Variants in ELMO3 observed in about 807,000 individuals in gnomAD.
The protein encoded by ELMO3 is engulfment and cell motility protein 3.
A neutral mutation model predicts 89.0 loss-of-function variants in ELMO3; 81 were observed. That is an observed-to-expected ratio of 0.91 (90% CI 0.76 to 1.09). The LOEUF is 1.09. Among genes scored for constraint, ELMO3 ranks in the 50% least tolerant of loss-of-function variants. The pLI is 0.00. For missense variants in ELMO3, 959 were observed against 972.8 expected, an observed-to-expected ratio of 0.99 and a Z score of 0.19; for synonymous variants, 406 against 400.6, an observed-to-expected ratio of 1.01 and a Z score of -0.16.
rs1567693899 is a variant in ELMO3, at chr16:67,203,622, G to A, written c.1950+39G>A. The A allele has an allele frequency of 1.2e-6, 2 of 1,613,944 alleles. No individual in the cohort carries two copies. ...AGGCTGAGGTCGGCAGGTGGGCAGG[G>A]GAGGCAGATGGGCAGACCCTCACGG... is the stretch of plus-strand genomic sequence containing the variant. On this transcript the variant is annotated intron_variant, in intron 19 of 19. Coordinates refer to ENST00000393997, the MANE Select transcript of ELMO3 (RefSeq NM_024712.5). This position sits in a 1 kb window ranked among gnomAD's most constrained non-coding sequence, Gnocchi z 4.6.
chr16:67,199,535 T>C lies in ELMO3; in HGVS notation c.79-18T>C, dbSNP rs1257548098. On this transcript the variant is annotated intron_variant, in intron 1 of 19. Transcript: ENST00000393997. ...TCCCTCCCTGCCCAGGCCGCGAGAA[T>C]GACCACTCCACTTGCAGGCGAAGCC... 2.1e-6 allele frequency: 3 copies of C among 1,431,490 alleles called. No individual in the cohort carries two copies. The highest frequency in any genetic ancestry group is 2.7e-4 in the Middle Eastern group (1 of 3,662). 88.7% of individuals were successfully genotyped at this position (1,431,490 alleles called of 1,614,324 possible). A position where few individuals can be genotyped will look rare whatever the true frequency, so the allele number is the denominator to read the frequency against.
chr16:67,201,006 GGTGGGCGCTGCC>G (rs763562984), intron 8 of ELMO3, 38 bp downstream of exon 8: 1 of 1,565,488 alleles, frequency 6.4e-7, no homozygotes, highest in Non-Finnish European at 8.6e-7. Flanking sequence ...GGCAGCACCC[GGTGGGCGCTGCC>G]CCACCCTGAA....
chr16:67,199,453 G>A, intron 1 of ELMO3, 49 bp downstream of exon 1: 1 of 1,595,838 alleles, frequency 6.3e-7, no homozygotes, highest in Non-Finnish European at 8.5e-7. Context: ...CCACCTCCCG[G>A]TAGCCCCCTG....
chr16:67,200,877 C>G lies in ELMO3; in HGVS notation c.666-13C>G. On this transcript the variant is annotated splice_polypyrimidine_tract_variant and intron_variant, in intron 7 of 19. Coordinates refer to ENST00000393997, the MANE Select transcript of ELMO3 (RefSeq NM_024712.5). Reference sequence around the variant, plus strand: ...GAGCCTGAATGTTCCACTGAGCCCTCTTCTTGCCATAGGATGAACCAGCAG... The same window carrying G: ...GAGCCTGAATGTTCCACTGAGCCCTGTTCTTGCCATAGGATGAACCAGCAG... The G allele has an allele frequency of 6.2e-7, 1 of 1,613,776 alleles. No homozygotes were observed. Among genetic ancestry groups the G allele is most frequent in the Non-Finnish European group, 8.5e-7 (1 of 1,179,930 alleles).
chr16:67,202,767 G>T lies in ELMO3; in HGVS notation c.1539G>T (p.Glu513Asp). The T allele has an allele frequency of 6.2e-7, 1 of 1,613,526 alleles. No homozygotes were observed. Among genetic ancestry groups the T allele is most frequent in the Non-Finnish European group, 8.5e-7 (1 of 1,179,968 alleles). The change falls in exon 15 of 20, where the codon GAG becomes GAT. Residue 513 changes from glutamate to aspartate, a missense_variant. Physicochemically the swap from Glu to Asp is conservative, Grantham distance 45. Coordinates refer to ENST00000393997, the MANE Select transcript of ELMO3 (RefSeq NM_024712.5). ...GGCAGACTGAACGGCTGCACCAGGA[G>T]GGCACACTGGCTCCCCCTATACTGT... is the stretch of plus-strand genomic sequence containing the variant. ...RLRQTERLHQ[E>D]GTLAPPILEL...
chr16:67,203,562 C>A lies in ELMO3; in HGVS notation c.1929C>A (p.Phe643Leu). The change falls in exon 19 of 20, where the codon TTC (phenylalanine) becomes TTA (leucine). Residue 643 changes from phenylalanine (F) to leucine (L), a missense_variant. Coordinates refer to ENST00000393997, the MANE Select transcript of ELMO3 (RefSeq NM_024712.5). This position sits in a 1 kb window ranked among gnomAD's most constrained non-coding sequence, Gnocchi z 4.6. Reference sequence around the variant, plus strand: ...GGGAGGAGGAAGCGTACCTCAACTTCATTGCCCCCTCCAAGCGGGAGGTGA... The same window carrying A: ...GGGAGGAGGAAGCGTACCTCAACTTAATTGCCCCCTCCAAGCGGGAGGTGA... ...DRGEEEAYLN[F>L]IAPSKREFYL... The A allele has an allele frequency of 6.2e-7, 1 of 1,614,072 alleles. No individual in the cohort carries two copies. The highest frequency in any genetic ancestry group is 8.5e-7 in the Non-Finnish European group (1 of 1,180,018).
At position 67,199,229 on chromosome 16, in the gene ELMO3, G is replaced by A. The variant is rs1041649512; in HGVS notation, c.-98G>A. 2 of 1,611,312 alleles carry A rather than the reference G, an allele frequency of 1.2e-6. No individual in the cohort carries two copies. Among genetic ancestry groups the A allele is most frequent in the African/African-American group, 2.7e-5 (2 of 74,918 alleles). On this transcript the variant is annotated 5_prime_UTR_variant, in exon 1 of 20. Transcript: ENST00000393997. ...ACACCGAGGTCAGGTCTCGGAAAGG[G>A]AGGACCTCCTCGTCCCCAGGGGCCC...
rs199672285 is a variant in ELMO3 at position 67,201,048 on chromosome 16, CCT to C, written c.744+81_744+82del. Reference sequence around the variant, plus strand: ...CCTGAAGCAAAATCCTCTAAGCCCCCCTTTTTTTTTTTTTTGAGATGGAGTCT... The same window carrying C: ...CCTGAAGCAAAATCCTCTAAGCCCCCTTTTTTTTTTTTTGAGATGGAGTCT... On this transcript the variant is annotated intron_variant, in intron 8 of 19. Transcript: ENST00000393997. 3,192 of 1,409,456 alleles carry C rather than the reference CCT, an allele frequency of 2.3e-3. 2 individuals are homozygous for C. Among genetic ancestry groups the C allele is most frequent in the African/African-American group, 0.01 (645 of 63,084 alleles). 87.3% of individuals were successfully genotyped at this position (1,409,456 alleles called of 1,614,324 possible). A position where few individuals can be genotyped will look rare whatever the true frequency, so the allele number is the denominator to read the frequency against.
Position 67,203,545 on chromosome 16 carries a change from G to A in ELMO3, c.1912G>A (p.Glu638Lys), listed in dbSNP as rs777000286. The A allele has an allele frequency of 9.3e-6, 15 of 1,613,964 alleles. No individual in the cohort carries two copies. The highest frequency in any genetic ancestry group is 2.2e-5 in the South Asian group (2 of 91,084). The part of the protein sequence containing the change: ...FSISYDRGEE[E>K]AYLNFIAPSK... ...AATCAGCTATGACCGTGGGGAGGAG[G>A]AAGCGTACCTCAACTTCATTGCCCC... The change falls in exon 19 of 20, where the codon GAA becomes AAA. Residue 638 changes from glutamate (E) to lysine (K), a missense_variant. Coordinates refer to ENST00000393997, the MANE Select transcript of ELMO3 (RefSeq NM_024712.5). The surrounding 1 kb of genome is among the most constrained non-coding windows in gnomAD (Gnocchi z 4.6).
At chr16:67,201,935 G>T (rs750004829) in intron 11 of ELMO3, 42 bp from the exon 12 acceptor site, 4 of 1,606,356 alleles carry the variant, frequency 2.5e-6, no homozygotes, top group Non-Finnish European at 3.4e-6. Context: ...TGTTCCAGGC[G>T]GCCGTGGCCC....
At position 67,199,141 on chromosome 16, in the gene ELMO3, T is replaced by C. The variant is rs1034419967; in HGVS notation, c.-186T>C. On this transcript the variant is annotated 5_prime_UTR_variant, in exon 1 of 20. Transcript: ENST00000393997. ...CCCAGACTCCAACCCGGAACTAACCTCGGCTCCCTTGGGAAGGCCGCGTTG... is the reference window on the plus strand; with the variant it reads ...CCCAGACTCCAACCCGGAACTAACCCCGGCTCCCTTGGGAAGGCCGCGTTG... The C allele has an allele frequency of 1.6e-5, 26 of 1,599,568 alleles. No individual in the cohort carries two copies. The highest frequency in any genetic ancestry group is 2.1e-5 in the Non-Finnish European group (25 of 1,175,946).
Position 67,201,999 on chromosome 16 carries a change from T to G in ELMO3, c.1073T>G (p.Leu358Arg). 1 of 1,612,208 alleles carries G rather than the reference T, an allele frequency of 6.2e-7. No individual in the cohort carries two copies. The highest frequency in any genetic ancestry group is 8.5e-7 in the Non-Finnish European group (1 of 1,179,528). The stretch of plus-strand genomic sequence containing the variant: ...CAGAACAGCAACCCAGCACAGGACC[T>G]GGAGCGCGTGCCCCCCGGTCTGCTG... ...GFSNSNPAQD[L>R]ERVPPGLLAL... Residue 358 changes from leucine to arginine, a missense_variant, in exon 12 of 20, where the codon CTG becomes CGG. Physicochemically the swap from Leu to Arg is moderately radical, Grantham distance 102. Coordinates refer to ENST00000393997, the MANE Select transcript of ELMO3 (RefSeq NM_024712.5).
chr16:67,199,909 A>C (rs753981746), intron 3 of ELMO3, 42 bp from the exon 4 acceptor site: 1 of 1,613,600 alleles, frequency 6.2e-7, no homozygotes, highest in East Asian at 2.2e-5. Context: ...CAGTCCTCGG[A>C]GCCCTCCCTG....
Position 67,199,153 on chromosome 16 carries a change from G to T in ELMO3, c.-174G>T. 5 of 1,605,704 alleles carry T rather than the reference G, an allele frequency of 3.1e-6. No individual in the cohort carries two copies. Among genetic ancestry groups the T allele is most frequent in the Non-Finnish European group, 4.2e-6 (5 of 1,178,594 alleles). Reference sequence around the variant, plus strand: ...CCCGGAACTAACCTCGGCTCCCTTGGGAAGGCCGCGTTGCATGGCCAGGAG... The same window carrying T: ...CCCGGAACTAACCTCGGCTCCCTTGTGAAGGCCGCGTTGCATGGCCAGGAG... On this transcript the variant is annotated 5_prime_UTR_variant, in exon 1 of 20. Coordinates refer to ENST00000393997, the MANE Select transcript of ELMO3 (RefSeq NM_024712.5).
At position 67,199,364 on chromosome 16, in the gene ELMO3, A is replaced by C. The variant is rs576749735; in HGVS notation, c.38A>C (p.Lys13Thr). Residue 13 changes from lysine (K) to threonine (T), a missense_variant, in exon 1 of 20, where the codon AAG becomes ACG. Lys to Thr is a moderately conservative substitution (Grantham distance 78). Transcript: ENST00000393997. The stretch of plus-strand genomic sequence containing the variant: ...CGGAACGTGGTGAAGATTGCCATCA[A>C]GATGCGTGACGCCATCCCGCAGCTC... ...PPRNVVKIAI[K>T]MRDAIPQLIQ... 6.2e-7 allele frequency: 1 copy of C among 1,609,466 alleles called. No individual in the cohort carries two copies. Among genetic ancestry groups the C allele is most frequent in the South Asian group, 1.1e-5 (1 of 90,994 alleles).
intron 8 of ELMO3, among the ~76,000 whole-genome samples, 177 bp from the exon 9 acceptor site, chr16:67,201,208 G>A (rs1372405867): frequency 1.4e-5 from 2 of 141,208 alleles, no homozygotes. Flanking sequence ...ACCACGCCCA[G>A]CTGATTTTTT....
Position 67,202,382 on chromosome 16 carries a change from GC to G in ELMO3, c.1262-8del, listed in dbSNP as rs776111360. 3.1e-6 allele frequency: 5 copies of G among 1,613,596 alleles called. No homozygotes were observed. Among genetic ancestry groups the G allele is most frequent in the African/African-American group, 1.3e-5 (1 of 75,000 alleles). On this transcript the variant is annotated splice_polypyrimidine_tract_variant and intron_variant, in intron 13 of 19. Coordinates refer to ENST00000393997, the MANE Select transcript of ELMO3 (RefSeq NM_024712.5). ...TGCACTTTCTCCCTGAGCCCCTCCT[GC>G]CCCCCCACTCCAGGCTCTGAGACAG...
At position 67,203,933 on chromosome 16, in the gene ELMO3, G is replaced by A. The variant is rs922541652; in HGVS notation, c.*56G>A. The A allele has an allele frequency of 1.2e-5, 17 of 1,419,652 alleles. No homozygotes were observed. Among genetic ancestry groups the A allele is most frequent in the Non-Finnish European group, 1.4e-5 (15 of 1,061,600 alleles). 87.9% of individuals were successfully genotyped at this position (1,419,652 alleles called of 1,614,324 possible). ...GCCACTGCAGCAGCCATGAAGGGCAGTGGGTAGAGGAGTGCAGGCACCCTG... is the reference window on the plus strand; with the variant it reads ...GCCACTGCAGCAGCCATGAAGGGCAATGGGTAGAGGAGTGCAGGCACCCTG... On this transcript the variant is annotated 3_prime_UTR_variant, in exon 20 of 20. Coordinates refer to ENST00000393997, the MANE Select transcript of ELMO3 (RefSeq NM_024712.5). This position sits in a 1 kb window ranked among gnomAD's most constrained non-coding sequence, Gnocchi z 4.6.
chr16:67,203,639 C>A lies in ELMO3; in HGVS notation c.1951-26C>A. On this transcript the variant is annotated intron_variant, in intron 19 of 19. Coordinates refer to ENST00000393997, the MANE Select transcript of ELMO3 (RefSeq NM_024712.5). This position sits in a 1 kb window ranked among gnomAD's most constrained non-coding sequence, Gnocchi z 4.6. ...TGGGCAGGGGAGGCAGATGGGCAGA[C>A]CCTCACGGCTCTGTGCCACCCCCAG... The A allele has an allele frequency of 6.2e-7, 1 of 1,613,712 alleles. No individual in the cohort carries two copies. Among genetic ancestry groups the A allele is most frequent in the Non-Finnish European group, 8.5e-7 (1 of 1,179,880 alleles).
Sources: gnomAD v4.1 joint callset for allele counts (sites outside exome capture counted in the v4.1 genomes callset) on GRCh38, gnomAD v4.1.1 for gene constraint, Gnocchi (gnomAD v3.1) non-coding constraint, MANE v1.5 for transcripts, NCBI Gene and HGNC (gene_info 2026-07-23, HGNC 2026-07-21) for gene names.